TRPM8: variants seen among roughly 807,000 people sequenced by gnomAD.
TRPM8 encodes the protein transient receptor potential cation channel subfamily M member 8.
Under a neutral mutation model 133.7 loss-of-function variants are expected in TRPM8, and 110 were observed. The observed-to-expected ratio is 0.82, with a 90% CI of 0.70 to 0.96. The LOEUF (loss-of-function observed/expected upper bound fraction) is 0.96, where lower values mean the gene tolerates loss of function less well. Among genes scored for constraint, TRPM8 ranks in the 40% least tolerant of loss-of-function variants. The probability of loss-of-function intolerance (pLI) is 0.00; values close to 1 mark genes in which losing one functional copy is unlikely to be tolerated. For synonymous variants in TRPM8, 535 were observed against 532.3 expected (o/e 1.01, Z -0.07); for missense variants, 1,291 against 1,379.5 (o/e 0.94, Z 1.02).
At chr2:233,978,324 A>G (rs975885428) in intron 17 of TRPM8, among the ~76,000 whole-genome samples, 2 of 151,798 alleles carry the variant, frequency 1.3e-5, no homozygotes, top group Non-Finnish European at 2.9e-5. Flanking sequence ...CTCTCAAGCT[A>G]TGTTAATAAA....
At chr2:233,992,791 G>A (rs944432767) in intron 21 of TRPM8, among the ~76,000 whole-genome samples, 1 of 152,194 alleles carries the variant, frequency 6.6e-6, no homozygotes. Flanking sequence ...AGATGGGGCG[G>A]GTGAGACCCT....
intron 15 of TRPM8, among the ~76,000 whole-genome samples, chr2:233,967,599 C>A (rs1239162053): frequency 1.3e-5 from 2 of 152,224 alleles, no homozygotes; most frequent in African/African-American, 4.8e-5. Flanking sequence ...TGATTGCCTG[C>A]AACTTTCATG....
intron 9 of TRPM8, among the ~76,000 whole-genome samples, chr2:233,950,646 G>T (rs987910525): frequency 3.3e-5 from 5 of 152,226 alleles, no homozygotes; most frequent in African/African-American, 7.2e-5. Context: ...CGTGGCAGCT[G>T]CAGACCAGGG....
rs1288035990 is a variant in TRPM8, at chr2:233,969,871, T to C, written c.2138+64T>C. ...GCCAGTGTGTGTACATGCATCCACA[T>C]ATGTGTGCTCTCATGTAAATGATTA... On this transcript the variant is annotated intron_variant, in intron 16 of 25. Transcript: ENST00000324695. The C allele has an allele frequency of 3.0e-6, 3 of 984,674 alleles. No homozygotes were observed. In the African/African-American group the frequency reaches 4.8e-5, roughly 16 times the overall value. The allele number at this position is 984,674 out of a possible 1,614,324, so 61.0% of individuals were successfully genotyped here.
chr2:233,948,740 T>C (rs1390808048), intron 8 of TRPM8, among the ~76,000 whole-genome samples: 1 of 151,920 alleles, frequency 6.6e-6, no homozygotes, highest in Non-Finnish European at 1.5e-5. Context: ...TAGGAGAAAA[T>C]ACCCAGCCAG....
intron 5 of TRPM8, among the ~76,000 whole-genome samples, chr2:233,939,421 T>A (rs186213003): frequency 2.4e-3 from 363 of 152,360 alleles, no homozygotes; most frequent in Non-Finnish European, 4.0e-3. Flanking sequence ...GAATTTTTTT[T>A]AATCTTGTAA....
chr2:233,923,108 A>G (rs1691442816), intron 1 of TRPM8, among the ~76,000 whole-genome samples: 1 of 152,038 alleles, frequency 6.6e-6, no homozygotes, highest in African/African-American at 2.4e-5. Flanking sequence ...TGGCCTCGTG[A>G]TCCGCCTGCC....
At chr2:233,972,523 G>T (rs1691753375) in intron 17 of TRPM8, among the ~76,000 whole-genome samples, 1 of 152,246 alleles carries the variant, frequency 6.6e-6, no homozygotes, top group Non-Finnish European at 1.5e-5. Flanking sequence ...GCAGGGGGTG[G>T]CGCTCGTGGA....
intron 21 of TRPM8, among the ~76,000 whole-genome samples, chr2:233,990,550 T>C (rs1692249752): frequency 6.6e-6 from 1 of 152,236 alleles, no homozygotes; most frequent in Admixed American, 6.5e-5. Flanking sequence ...GCATGTCTTA[T>C]AAGCATTTTA....
At chr2:233,936,363 T>A (rs1690741015) in intron 3 of TRPM8, among the ~76,000 whole-genome samples, 1 of 152,228 alleles carries the variant, frequency 6.6e-6, no homozygotes, top group Non-Finnish European at 1.5e-5. Context: ...TTTCTTTTTA[T>A]CCTCTTCCAA....
chr2:233,938,592 A>T (rs1045614633), intron 4 of TRPM8, among the ~76,000 whole-genome samples: 21 of 152,292 alleles, frequency 1.4e-4, no homozygotes, highest in African/African-American at 4.6e-4. Context: ...CAAAGGCGGG[A>T]CAACTCGAAA....
In TRPM8 at chr2:233,976,767, C is replaced by T. The variant is rs76008078; in HGVS notation, c.2356-3421C>T. Among the ~76,000 whole-genome samples the T allele has an allele frequency of 3.2e-4, 48 of 152,174 alleles. No individual in the cohort carries two copies. The East Asian group carries it at 8.7e-3, about 28-fold the overall frequency. ...GTGTGTTCCAGGTGGCTCTGCCATC[C>T]GAGGGCTTTTCTGGCCTTACAACTC... is the stretch of plus-strand genomic sequence containing the variant. On this transcript the variant is annotated intron_variant, in intron 17 of 25. Coordinates refer to ENST00000324695, the MANE Select transcript of TRPM8 (RefSeq NM_024080.5).
At position 233,985,876 on chromosome 2, in the gene TRPM8, A is replaced by G; in HGVS notation, c.2939+11A>G. The stretch of plus-strand genomic sequence containing the variant: ...GGTCGCCATGTTTGGGTATGTGTTC[A>G]GTCACATGTTCACTGATGTCCACCC... On this transcript the variant is annotated intron_variant, in intron 21 of 25. Coordinates refer to ENST00000324695, the MANE Select transcript of TRPM8 (RefSeq NM_024080.5). The G allele has an allele frequency of 6.2e-7, 1 of 1,606,058 alleles. No individual in the cohort carries two copies. Among genetic ancestry groups the G allele is most frequent in the Non-Finnish European group, 8.5e-7 (1 of 1,175,564 alleles).
chr2:233,924,860 G>A (rs1691479996), intron 1 of TRPM8, among the ~76,000 whole-genome samples: 1 of 152,202 alleles, frequency 6.6e-6, no homozygotes, highest in Non-Finnish European at 1.5e-5. Flanking sequence ...TTGATCTGTG[G>A]TTTTGCAATG....
chr2:233,942,571 G>C lies in TRPM8; in HGVS notation c.527-5G>C. 6.2e-7 allele frequency: 1 copy of C among 1,614,132 alleles called. No individual in the cohort carries two copies. Among genetic ancestry groups the C allele is most frequent in the Non-Finnish European group, 8.5e-7 (1 of 1,180,024 alleles). On this transcript the variant is annotated splice_polypyrimidine_tract_variant and splice_region_variant and intron_variant, in intron 5 of 25. Coordinates refer to ENST00000324695, the MANE Select transcript of TRPM8 (RefSeq NM_024080.5). ...TGACCATTTACTCTTCCTATTTGTTGACAGGTGCTTGGATTCTCACGGGAG... is the reference window on the plus strand; with the variant it reads ...TGACCATTTACTCTTCCTATTTGTTCACAGGTGCTTGGATTCTCACGGGAG...
rs149489841 is a variant in TRPM8, at chr2:233,924,355, G to T, written c.-5-2178G>T. ...CCTTTCCCGTTCTATCTCTTTCAGG[G>T]GCATCTCCTTTTCCACAGACCCCTC... is the stretch of plus-strand genomic sequence containing the variant. On this transcript the variant is annotated intron_variant, in intron 1 of 25. Transcript: ENST00000324695. 2.2e-4 allele frequency among the ~76,000 whole-genome samples: 34 copies of T among 152,220 alleles called. No homozygotes were observed. In the East Asian group the frequency reaches 4.8e-3, roughly 22 times the overall value.
At chr2:234,004,356 G>A (rs1283768186) in intron 22 of TRPM8, among the ~76,000 whole-genome samples, 2 of 152,198 alleles carry the variant, frequency 1.3e-5, no homozygotes, top group Admixed American at 6.5e-5. Context: ...GACTCCCCAG[G>A]GTGCCTGGTC....
intron 24 of TRPM8, among the ~76,000 whole-genome samples, chr2:234,009,147 G>A (rs1692769011): frequency 6.6e-6 from 1 of 152,318 alleles, no homozygotes; most frequent in South Asian, 2.1e-4. Context: ...ACCCAAGAGG[G>A]ACCTATCTGG....
chr2:233,991,387 T>C (rs561058848), intron 21 of TRPM8, among the ~76,000 whole-genome samples: 78 of 152,310 alleles, frequency 5.1e-4, no homozygotes, highest in Non-Finnish European at 9.3e-4. Flanking sequence ...TTTTTTGATG[T>C]TGCAGAATGA....
Sources: allele counts gnomAD v4.1 joint callset (sites outside exome capture counted in the v4.1 genomes callset), GRCh38; gene constraint gnomAD v4.1.1; transcripts MANE v1.5; gene names NCBI Gene and HGNC (gene_info 2026-07-23, HGNC 2026-07-21).